Variants in GALC observed in about 807,000 individuals in gnomAD.
The protein encoded by GALC is galactosylceramidase.
GALC carries 77 observed loss-of-function variants against 91.8 expected under a neutral mutation model. The observed-to-expected ratio is 0.84, with a 90% CI of 0.70 to 1.01. GALC has a LOEUF of 1.01. Ranked by LOEUF, GALC falls within the 50% of genes least tolerant of loss-of-function variation. GALC has a pLI of 0.00. For synonymous variants in GALC, 357 were observed against 306.7 expected (o/e 1.16, Z -1.71); for missense variants, 882 against 855.9 (o/e 1.03, Z -0.38).
chr14:87,960,999 T>A (rs1885778234), intron 10 of GALC, among the ~76,000 whole-genome samples: 1 of 149,460 alleles, frequency 6.7e-6, no homozygotes, highest in Non-Finnish European at 1.5e-5. Context: ...TTTTTTTAAT[T>A]CAAAGGGTAC....
intron 14 of GALC, among the ~76,000 whole-genome samples, chr14:87,943,527 T>G (rs934330985): frequency 1.3e-5 from 2 of 151,980 alleles, no homozygotes; most frequent in Admixed American, 6.6e-5. Context: ...AAAATGAGGC[T>G]GTGAGATGTA....
chr14:87,987,962 C>A, intron 3 of GALC, 182 bp downstream of exon 3: 3 of 577,610 alleles, frequency 5.2e-6, no homozygotes, highest in Non-Finnish European at 9.2e-6. Context: ...TTTGATGGAC[C>A]AGTCATATTC....
chr14:87,965,876 C>A (rs1286350643), intron 8 of GALC, among the ~76,000 whole-genome samples: 1 of 152,088 alleles, frequency 6.6e-6, no homozygotes, highest in Admixed American at 6.6e-5. Context: ...GTATTATGTG[C>A]AAATTTTTAC....
chr14:87,936,896 C>CCATATATATATATATATATATA (rs1555378200), intron 16 of GALC, among the ~76,000 whole-genome samples: 8 of 3,546 alleles, frequency 2.3e-3, no homozygotes, highest in African/African-American at 2.8e-3. Flanking sequence ...ATATCAGGTA[C>CCATATATATATATATATATATA]TATATATATA....
intron 6 of GALC, chr14:87,980,366 A>G (rs1886686089): frequency 3.4e-6 from 1 of 290,980 alleles, no homozygotes; most frequent in South Asian, 1.3e-4. Context: ...TGGGTGACAG[A>G]GAGAGACTCT....
chr14:87,947,587 C>T (rs1201678456), intron 13 of GALC, 141 bp downstream of exon 13: 2 of 810,526 alleles, frequency 2.5e-6, no homozygotes, highest in East Asian at 2.5e-5. Context: ...ATTAGCCCTC[C>T]TTTTACCGCA....
At position 87,950,546 on chromosome 14, in the gene GALC, T is replaced by G. The variant is rs923352158; in HGVS notation, c.1251+113A>C. 1.4e-5 allele frequency: 10 copies of G among 706,790 alleles called. No homozygotes were observed. In the Admixed American group the frequency reaches 2.3e-4, roughly 16 times the overall value. The allele number at this position is 706,790 out of a possible 1,614,324, so 43.8% of individuals were successfully genotyped here. ...ACACCAGGGCCTCTGTCAATTCATA[T>G]GCAAACTGTTAAAAGTTCATAATAT... is the stretch of plus-strand genomic sequence containing the variant. On this transcript the variant is annotated intron_variant, in intron 11 of 16. Transcript: ENST00000261304.
At chr14:87,980,938 A>C (rs1182882938) in intron 6 of GALC, among the ~76,000 whole-genome samples, 1 of 152,244 alleles carries the variant, frequency 6.6e-6, no homozygotes, top group Non-Finnish European at 1.5e-5. Flanking sequence ...AATTCAAAGA[A>C]AATTTTTTTC....
chr14:87,989,662 T>A (rs1887114823), intron 1 of GALC: 1 of 152,300 alleles, frequency 6.6e-6, no homozygotes, highest in Admixed American at 6.6e-5. Flanking sequence ...CCCCACTGAC[T>A]TACCCAGGCC....
At chr14:87,984,625 C>A in intron 4 of GALC, 92 bp from the exon 5 acceptor site, 1 of 1,315,006 alleles carries the variant, frequency 7.6e-7, no homozygotes, top group Admixed American at 2.0e-5. Flanking sequence ...GAAAAGCATT[C>A]AACTAGCAAA....
chr14:87,990,347 T>C (rs1887146198), intron 1 of GALC, among the ~76,000 whole-genome samples: 1 of 152,210 alleles, frequency 6.6e-6, no homozygotes, highest in Non-Finnish European at 1.5e-5. Context: ...TAATAAGCTA[T>C]GTAATCATAG....
At chr14:87,937,398 T>C (rs1218566711) in intron 16 of GALC, among the ~76,000 whole-genome samples, 2 of 151,848 alleles carry the variant, frequency 1.3e-5, no homozygotes, top group Non-Finnish European at 2.9e-5. Flanking sequence ...CAGACTACTT[T>C]AGTGCAGATA....
intron 15 of GALC, among the ~76,000 whole-genome samples, chr14:87,941,050 C>CT (rs1884814509): frequency 6.6e-6 from 1 of 151,900 alleles, no homozygotes; most frequent in Non-Finnish European, 1.5e-5. Flanking sequence ...TATACTCTTG[C>CT]TTTTATTTAT....
chr14:87,973,917 A>G (rs1213326146), intron 7 of GALC, among the ~76,000 whole-genome samples: 1 of 152,208 alleles, frequency 6.6e-6, no homozygotes, highest in Non-Finnish European at 1.5e-5. Flanking sequence ...CTCAGTTGAA[A>G]ATACTGGTAT....
chr14:87,977,480 A>C (rs1019668226), intron 6 of GALC, among the ~76,000 whole-genome samples: 1 of 152,194 alleles, frequency 6.6e-6, no homozygotes, highest in Non-Finnish European at 1.5e-5. Context: ...GGGCAAGTAC[A>C]TACCAAAATG....
rs533824193 is a variant in GALC, at chr14:87,955,068, C to A, written c.1162-4320G>T. 166 of 1,335,916 alleles carry A rather than the reference C, an allele frequency of 1.2e-4. 1 individual carries two copies. The African/African-American group carries it at 2.0e-3, about 16-fold the overall frequency. The allele number at this position is 1,335,916 out of a possible 1,614,324, so 82.8% of individuals were successfully genotyped here. A position where few individuals can be genotyped will look rare whatever the true frequency, so the allele number is the denominator to read the frequency against. ...ACCTGTTACACTCCTTGTCGGCAGTCAGCGCAGAACCTTGTGTATCAAAGA... is the reference window on the plus strand; with the variant it reads ...ACCTGTTACACTCCTTGTCGGCAGTAAGCGCAGAACCTTGTGTATCAAAGA... On this transcript the variant is annotated intron_variant, in intron 10 of 16. Coordinates refer to ENST00000261304, the MANE Select transcript of GALC (RefSeq NM_000153.4).
chr14:87,969,560 CTG>C (rs1232271129), intron 7 of GALC, among the ~76,000 whole-genome samples: 5 of 152,042 alleles, frequency 3.3e-5, no homozygotes, highest in African/African-American at 1.2e-4. Context: ...AGCTAAATAA[CTG>C]TAGGAATAAG....
chr14:87,957,743 A>G (rs1429104001), intron 10 of GALC, among the ~76,000 whole-genome samples: 1 of 152,208 alleles, frequency 6.6e-6, no homozygotes, highest in African/African-American at 2.4e-5. Context: ...AATCAAACCA[A>G]TAACTCAATC....
intron 6 of GALC, among the ~76,000 whole-genome samples, chr14:87,979,376 T>C (rs994437440): frequency 6.6e-6 from 1 of 152,100 alleles, no homozygotes; most frequent in African/African-American, 2.4e-5. Context: ...AAAATCTTGC[T>C]GGAAAAAAAT....
Sources: gnomAD v4.1 joint callset for allele counts (sites outside exome capture counted in the v4.1 genomes callset) on GRCh38, gnomAD v4.1.1 for gene constraint, MANE v1.5 for transcripts, NCBI Gene and HGNC (gene_info 2026-07-23, HGNC 2026-07-21) for gene names.